ZFHX3: variants seen among roughly 807,000 people sequenced by gnomAD.
ZFHX3 encodes zinc finger homeobox protein 3.
Under a neutral mutation model 279.1 loss-of-function variants are expected in ZFHX3, and 42 were observed. That is an observed-to-expected ratio of 0.15 (90% CI 0.12 to 0.19). The LOEUF (loss-of-function observed/expected upper bound fraction) is 0.19. ZFHX3 is among the 10% of genes least tolerant of loss of function. The pLI, the probability that ZFHX3 is intolerant of heterozygous loss-of-function variation, is 1.00. For missense variants in ZFHX3, 4,981 were observed against 4,754.0 expected (o/e 1.05, Z -1.40); for synonymous variants, 2,293 against 1,957.8 (o/e 1.17, Z -4.52).
intron 1 of ZFHX3, among the ~76,000 whole-genome samples, chr16:73,838,655 T>A (rs747974946): frequency 7.2e-5 from 11 of 152,176 alleles, no homozygotes; most frequent in Non-Finnish European, 1.6e-4. Context: ...AAAAGAGTTG[T>A]TTCTATACAT....
chr16:73,386,019 T>C (rs1002962293), intron 3 of ZFHX3, among the ~76,000 whole-genome samples: 2 of 152,120 alleles, frequency 1.3e-5, no homozygotes, highest in South Asian at 2.1e-4. Flanking sequence ...AATGATGCGG[T>C]TTGGTCTAAC....
chr16:72,810,152 G>C (rs1429033816), intron 7 of ZFHX3, among the ~76,000 whole-genome samples: 1 of 151,442 alleles, frequency 6.6e-6, no homozygotes, highest in African/African-American at 2.4e-5. Flanking sequence ...CCAAAGTGCT[G>C]GGATTACAGG....
intron 5 of ZFHX3, among the ~76,000 whole-genome samples, chr16:73,246,742 T>G (rs1238684494): frequency 1.3e-5 from 2 of 152,242 alleles, no homozygotes; most frequent in African/African-American, 4.8e-5. Flanking sequence ...TAGGGTACAC[T>G]TTTTCACTTT....
At chr16:73,619,737 T>C (rs1419083494) in intron 2 of ZFHX3, among the ~76,000 whole-genome samples, 2 of 151,950 alleles carry the variant, frequency 1.3e-5, no homozygotes, top group Non-Finnish European at 2.9e-5. Context: ...AGGAATACCC[T>C]ACCCCATTTC....
At chr16:73,066,232 G>C (rs1435984969) in intron 8 of ZFHX3, among the ~76,000 whole-genome samples, 1 of 151,366 alleles carries the variant, frequency 6.6e-6, no homozygotes, top group East Asian at 1.9e-4. Flanking sequence ...CCGGGCGTGA[G>C]ACGCGCCCTT....
intron 2 of ZFHX3, among the ~76,000 whole-genome samples, chr16:73,501,388 C>A (rs1407802665): frequency 1.3e-5 from 2 of 152,162 alleles, no homozygotes; most frequent in East Asian, 3.8e-4. Flanking sequence ...ATTAAATAAG[C>A]CAACTGTTTT....
At chr16:73,862,891 G>A (rs1338871101) in intron 1 of ZFHX3, among the ~76,000 whole-genome samples, 1 of 152,046 alleles carries the variant, frequency 6.6e-6, no homozygotes, top group Admixed American at 6.6e-5. Context: ...CAGAAGATTC[G>A]TGGTTCATAC....
At chr16:73,646,534 G>C (rs2052619726) in intron 2 of ZFHX3, among the ~76,000 whole-genome samples, 1 of 152,044 alleles carries the variant, frequency 6.6e-6, no homozygotes, top group African/African-American at 2.4e-5. Flanking sequence ...TGATAAAATA[G>C]ATGAAAAGAT....
intron 1 of ZFHX3, among the ~76,000 whole-genome samples, chr16:73,010,591 C>A (rs1963880329): frequency 6.6e-6 from 1 of 152,178 alleles, no homozygotes; most frequent in Non-Finnish European, 1.5e-5. Flanking sequence ...AACCAGGTTA[C>A]CTCATCTCAG....
chr16:72,908,601 C>G (rs1206009360), intron 3 of ZFHX3, among the ~76,000 whole-genome samples: 1 of 152,216 alleles, frequency 6.6e-6, no homozygotes, highest in African/African-American at 2.4e-5. Flanking sequence ...GTTAGGAGGA[C>G]TGGCTTGCCT....
At chr16:72,944,508 T>C (rs1960566474) in intron 3 of ZFHX3, among the ~76,000 whole-genome samples, 1 of 152,162 alleles carries the variant, frequency 6.6e-6, no homozygotes, top group South Asian at 2.1e-4. Flanking sequence ...CATTGGAAAA[T>C]ACTTAAAGAT....
At chr16:73,839,073 T>C (rs529331093) in intron 1 of ZFHX3, among the ~76,000 whole-genome samples, 14 of 152,090 alleles carry the variant, frequency 9.2e-5, no homozygotes, top group African/African-American at 3.4e-4. Context: ...CAGTGGGTAC[T>C]TGCAGCTCCC....
intron 3 of ZFHX3, among the ~76,000 whole-genome samples, chr16:72,902,600 T>C (rs2039066498): frequency 5.9e-5 from 9 of 152,228 alleles, no homozygotes; most frequent in Admixed American, 5.9e-4. Flanking sequence ...CTGAAGACTT[T>C]TCCCTCCTTT....
At chr16:72,921,069 C>CAAA (rs57294537) in intron 3 of ZFHX3, among the ~76,000 whole-genome samples, 256 of 23,538 alleles carry the variant, frequency 0.011, 32 homozygotes, top group East Asian at 0.049. Context: ...CAGACCTTGT[C>CAAA]AAAAAAAAAA....
At chr16:73,856,882 A>G (rs1350870697) in intron 1 of ZFHX3, among the ~76,000 whole-genome samples, 1 of 152,246 alleles carries the variant, frequency 6.6e-6, no homozygotes, top group Admixed American at 6.5e-5. Context: ...AAATGTTTCC[A>G]TGCCCCACCG....
intron 5 of ZFHX3, among the ~76,000 whole-genome samples, chr16:73,220,414 G>T (rs1282827048): frequency 6.6e-6 from 1 of 151,952 alleles, no homozygotes; most frequent in Admixed American, 6.6e-5. Context: ...GGGAAAGCTA[G>T]GTGAAATGTA....
chr16:72,855,185 G>T (rs964214851), intron 4 of ZFHX3, among the ~76,000 whole-genome samples: 1 of 152,198 alleles, frequency 6.6e-6, no homozygotes, highest in African/African-American at 2.4e-5. Flanking sequence ...CAAGGCTGGG[G>T]TTAATGGCAG....
At chr16:72,803,284 A>T (rs1218763455) in intron 7 of ZFHX3, among the ~76,000 whole-genome samples, 1 of 152,140 alleles carries the variant, frequency 6.6e-6, no homozygotes, top group Non-Finnish European at 1.5e-5. Context: ...GTGAGCTGAG[A>T]TTGCGCCATT....
At chr16:73,088,724 T>C (rs77270006) in intron 8 of ZFHX3, among the ~76,000 whole-genome samples, 7,564 of 152,128 alleles carry the variant, frequency 0.05, 211 homozygotes, top group South Asian at 0.1. Flanking sequence ...CATCCTGAAG[T>C]TCAAGGCAGG....
Sources: gnomAD v4.1 joint callset for allele counts (sites outside exome capture counted in the v4.1 genomes callset) on GRCh38, gnomAD v4.1.1 for gene constraint, MANE v1.5 for transcripts, NCBI Gene and HGNC (gene_info 2026-07-23, HGNC 2026-07-21) for gene names.